Variants in SPATA6L observed in about 807,000 individuals in gnomAD.
The protein encoded by SPATA6L is spermatogenesis associated 6 like.
A neutral mutation model predicts 49.2 loss-of-function variants in SPATA6L; 68 were observed. The observed-to-expected ratio is 1.38, with a 90% CI of 1.14 to 1.69. The LOEUF is 1.69. Ranked by LOEUF, SPATA6L falls within the 40% of genes most tolerant of loss-of-function variation. SPATA6L has a pLI of 0.00. For missense variants in SPATA6L, 668 were observed against 464.3 expected, an observed-to-expected ratio of 1.44 and a Z score of -4.03; for synonymous variants, 198 against 165.7, an observed-to-expected ratio of 1.19 and a Z score of -1.50.
Position 4,622,586 on chromosome 9 carries a change from G to C in SPATA6L, c.670-76C>G, listed in dbSNP as rs1384713821. The C allele has an allele frequency of 5.0e-6, 5 of 995,030 alleles. No individual in the cohort carries two copies. The African/African-American group carries it at 8.1e-5, about 16-fold the overall frequency. 61.6% of individuals were successfully genotyped at this position (995,030 alleles called of 1,614,324 possible). A position where few individuals can be genotyped will look rare whatever the true frequency, so the allele number is the denominator to read the frequency against. On this transcript the variant is annotated intron_variant, in intron 6 of 11. Coordinates refer to ENST00000682582, the MANE Select transcript of SPATA6L (RefSeq NM_001353486.2). The stretch of plus-strand genomic sequence containing the variant: ...CCCTCCCCTCGTTACCGGAATGCCT[G>C]TCTCCCCCTCAATCACTGATTACAC...
At position 4,598,420 on chromosome 9, in the gene SPATA6L, C is replaced by G. The variant is rs1355207573; in HGVS notation, c.*2391G>C. Among the ~76,000 whole-genome samples the G allele has an allele frequency of 6.6e-6, 1 of 152,188 alleles. No homozygotes were observed. Among genetic ancestry groups the G allele is most frequent in the African/African-American group, 2.4e-5 (1 of 41,440 alleles). ...TATACACTCCAAAAGCAAAATACTT[C>G]AACTGCAATCCTTGCCCCAGCATGA... On this transcript the variant is annotated 3_prime_UTR_variant, in exon 12 of 12. Coordinates refer to ENST00000682582, the MANE Select transcript of SPATA6L (RefSeq NM_001353486.2).
At chr9:4,647,615 T>A (rs973128247) in intron 3 of SPATA6L, among the ~76,000 whole-genome samples, 23 of 151,840 alleles carry the variant, frequency 1.5e-4, no homozygotes, top group Middle Eastern at 6.8e-3. Flanking sequence ...AAACAAAAAA[T>A]ATATATATAT....
intron 2 of SPATA6L, among the ~76,000 whole-genome samples, chr9:4,661,558 A>C (rs1029044946): frequency 2.6e-5 from 4 of 152,036 alleles, no homozygotes; most frequent in African/African-American, 9.7e-5. Context: ...TCTAAGGTCC[A>C]CAGTTTATTA....
Position 4,598,649 on chromosome 9 carries a change from G to A in SPATA6L, c.*2162C>T, listed in dbSNP as rs1212372818. On this transcript the variant is annotated 3_prime_UTR_variant, in exon 12 of 12. Coordinates refer to ENST00000682582, the MANE Select transcript of SPATA6L (RefSeq NM_001353486.2). ...TTTCAAAAAACACTGAATATTGAAT[G>A]TCATGGTGTATATTTTAACAATAAC... is the stretch of plus-strand genomic sequence containing the variant. Among the ~76,000 whole-genome samples, 5 of 152,180 alleles carry A rather than the reference G, an allele frequency of 3.3e-5. No homozygotes were observed. The highest frequency in any genetic ancestry group is 1.2e-4 in the African/African-American group (5 of 41,436).
Position 4,662,066 on chromosome 9 carries a change from G to C in SPATA6L, c.40-30C>G, listed in dbSNP as rs756247690. On this transcript the variant is annotated intron_variant, in intron 1 of 11. Transcript: ENST00000682582. This position sits in a 1 kb window ranked among gnomAD's most constrained non-coding sequence, Gnocchi z 4.9. The stretch of plus-strand genomic sequence containing the variant: ...AAAAGAAAGAAAACAACAAACAAGG[G>C]AGAGAAAACAGACTTTGCTTTGTTT... 35 of 1,609,960 alleles carry C rather than the reference G, an allele frequency of 2.2e-5. No homozygotes were observed. In the African/African-American group the frequency reaches 2.5e-4, roughly 12 times the overall value.
chr9:4,616,501 T>G (rs548034688), intron 9 of SPATA6L, among the ~76,000 whole-genome samples: 1 of 152,280 alleles, frequency 6.6e-6, no homozygotes, highest in African/African-American at 2.4e-5. Flanking sequence ...GGCAAAAGCA[T>G]AAGACAGGAG....
chr9:4,655,609 C>A (rs968372474), intron 3 of SPATA6L, among the ~76,000 whole-genome samples: 3 of 151,462 alleles, frequency 2.0e-5, no homozygotes, highest in East Asian at 3.9e-4. Flanking sequence ...AGTGCAATGG[C>A]ACGATTTCGG....
chr9:4,609,132 T>C (rs1027506026), intron 9 of SPATA6L, among the ~76,000 whole-genome samples: 1 of 151,254 alleles, frequency 6.6e-6, no homozygotes, highest in African/African-American at 2.5e-5. Flanking sequence ...AATAACAGGA[T>C]CTGAAATTGT....
At chr9:4,621,268 G>T (rs1051727800) in intron 7 of SPATA6L, among the ~76,000 whole-genome samples, 3 of 152,148 alleles carry the variant, frequency 2.0e-5, no homozygotes, top group Non-Finnish European at 4.4e-5. Context: ...CCTACAAGGG[G>T]TTCCTTAACC....
At chr9:4,607,249 A>C (rs1319804738) in intron 9 of SPATA6L, among the ~76,000 whole-genome samples, 1 of 152,096 alleles carries the variant, frequency 6.6e-6, no homozygotes, top group East Asian at 1.9e-4. Flanking sequence ...AACTTCCCCA[A>C]TCTAGCAAGG....
intron 3 of SPATA6L, among the ~76,000 whole-genome samples, chr9:4,648,562 T>A (rs561049383): frequency 6.6e-6 from 1 of 151,640 alleles, no homozygotes; most frequent in East Asian, 1.9e-4. Flanking sequence ...TAGCCGGGCG[T>A]GGTGGCGGGA....
At chr9:4,617,854 T>C (rs1321273225) in intron 9 of SPATA6L, 69 bp downstream of exon 9, 1 of 1,321,160 alleles carries the variant, frequency 7.6e-7, no homozygotes. Context: ...GCTGGTGAAA[T>C]GACCCAGCTT....
chr9:4,622,959 C>T (rs756004955), intron 6 of SPATA6L, among the ~76,000 whole-genome samples: 9 of 148,504 alleles, frequency 6.1e-5, no homozygotes, highest in East Asian at 6.0e-4. Flanking sequence ...CTCTCTGGTC[C>T]GAGTATCTAC....
At chr9:4,646,604 G>T (rs557312535) in intron 3 of SPATA6L, 1 of 780,228 alleles carries the variant, frequency 1.3e-6, no homozygotes, top group Non-Finnish European at 1.9e-6. Flanking sequence ...GTTTTAAACT[G>T]TCATAAAACC....
downstream of SPATA6L, among the ~76,000 whole-genome samples, chr9:4,598,094 C>G (rs550063414): frequency 3.7e-4 from 56 of 152,250 alleles, no homozygotes; most frequent in Middle Eastern, 3.4e-3. Flanking sequence ...GGCCTACAGG[C>G]TTCAGCTAAC....
At chr9:4,643,568 A>G (rs536391130) in intron 3 of SPATA6L, among the ~76,000 whole-genome samples, 1 of 152,362 alleles carries the variant, frequency 6.6e-6, no homozygotes, top group Admixed American at 6.5e-5. Context: ...CTATGGAAAA[A>G]TACACAGCTA....
intron 5 of SPATA6L, chr9:4,626,528 C>A (rs1274270291): frequency 7.7e-7 from 1 of 1,304,118 alleles, no homozygotes; most frequent in African/African-American, 1.5e-5. Flanking sequence ...TCTTGCTGAA[C>A]CAACATCTTC....
chr9:4,627,411 G>A, intron 5 of SPATA6L: 1 of 185,276 alleles, frequency 5.4e-6, no homozygotes, highest in Non-Finnish European at 1.1e-5. Flanking sequence ...TGATAGATTT[G>A]CACAGATTAT....
At chr9:4,635,518 C>G (rs1345469903) in intron 3 of SPATA6L, 119 bp from the exon 4 acceptor site, 6 of 951,694 alleles carry the variant, frequency 6.3e-6, no homozygotes, top group Non-Finnish European at 1.5e-6. Context: ...CATATTGATC[C>G]TAGCACATGT....
Sources: gnomAD v4.1 joint callset for allele counts (sites outside exome capture counted in the v4.1 genomes callset) on GRCh38, gnomAD v4.1.1 for gene constraint, Gnocchi (gnomAD v3.1) non-coding constraint, MANE v1.5 for transcripts, NCBI Gene and HGNC (gene_info 2026-07-23, HGNC 2026-07-21) for gene names.